MPRIP: variants seen among roughly 807,000 people sequenced by gnomAD.
MPRIP encodes the protein myosin phosphatase Rho-interacting protein.
A neutral mutation model predicts 234.9 loss-of-function variants in MPRIP; 59 were observed. That is an observed-to-expected ratio of 0.25 (90% confidence interval 0.20 to 0.31). The LOEUF (loss-of-function observed/expected upper bound fraction) is 0.31. MPRIP is among the 10% of genes least tolerant of loss of function. The pLI is 1.00. For synonymous variants in MPRIP, 1,144 were observed against 1,263.9 expected (o/e 0.91, Z 2.01); for missense variants, 2,436 against 3,071.0 (o/e 0.79, Z 4.89).
intron 1 of MPRIP, among the ~76,000 whole-genome samples, chr17:17,069,230 GATAAC>G (rs139236908): frequency 0.026 from 3,899 of 152,116 alleles, 100 homozygotes; most frequent in East Asian, 0.12. Flanking sequence ...TAATTTATCT[GATAAC>G]ATAACAACTC....
At chr17:17,143,265 G>GC (rs1342331911) in intron 8 of MPRIP, among the ~76,000 whole-genome samples, 1 of 152,212 alleles carries the variant, frequency 6.6e-6, no homozygotes, top group Non-Finnish European at 1.5e-5. Flanking sequence ...CCACCACAGA[G>GC]CCCAGGGCTC....
chr17:17,127,120 C>T (rs1162890330), intron 4 of MPRIP, among the ~76,000 whole-genome samples: 1 of 152,216 alleles, frequency 6.6e-6, no homozygotes, highest in Non-Finnish European at 1.5e-5. Context: ...CTCACCACAC[C>T]CCCAACTCAC....
intron 3 of MPRIP, among the ~76,000 whole-genome samples, chr17:17,083,825 C>T (rs2089522458): frequency 6.6e-6 from 1 of 152,168 alleles, no homozygotes; most frequent in African/African-American, 2.4e-5. Flanking sequence ...CTCACTGCAA[C>T]CTCCGTCTCC....
intron 5 of MPRIP, among the ~76,000 whole-genome samples, chr17:17,134,837 A>C (rs12601325): frequency 6.6e-6 from 1 of 152,142 alleles, no homozygotes; most frequent in Admixed American, 6.5e-5. Context: ...GTGAGACTGG[A>C]TGTATGGATC....
At chr17:17,072,261 A>T (rs148268635) in intron 1 of MPRIP, among the ~76,000 whole-genome samples, 335 of 152,254 alleles carry the variant, frequency 2.2e-3, no homozygotes, top group Middle Eastern at 6.8e-3. Flanking sequence ...GGGGATGAGG[A>T]CAGGTTGTCT....
At chr17:17,172,899 T>C in intron 18 of MPRIP, 84 bp downstream of exon 18, 1 of 1,251,704 alleles carries the variant, frequency 8.0e-7, no homozygotes, top group Non-Finnish European at 1.1e-6. Context: ...TTCCTGTGTC[T>C]TTGCAGAGGC....
chr17:17,150,103 A>C (rs2144551232), intron 11 of MPRIP, 41 bp from the exon 12 acceptor site: 5 of 1,507,278 alleles, frequency 3.3e-6, no homozygotes, highest in East Asian at 2.3e-5. Flanking sequence ...CATTGGTTCT[A>C]CTTCCTAAAA....
intron 4 of MPRIP, among the ~76,000 whole-genome samples, chr17:17,127,581 C>T (rs1196169841): frequency 2.0e-5 from 3 of 152,244 alleles, no homozygotes; most frequent in African/African-American, 7.2e-5. Context: ...CGTACATAGT[C>T]CGTGCAGGTG....
chr17:17,094,775 T>C (rs2089801977), intron 3 of MPRIP, among the ~76,000 whole-genome samples: 2 of 152,044 alleles, frequency 1.3e-5, no homozygotes, highest in African/African-American at 4.8e-5. Flanking sequence ...CATGCCTGGC[T>C]AATTTTGGTA....
Position 17,164,559 on chromosome 17 carries a change from G to A in MPRIP, c.2968G>A (p.Val990Ile). Reference protein sequence around the residue: ...QALQRDRQKEVQRLQERIADL... With the variant: ...QALQRDRQKEIQRLQERIADL... Reference sequence around the variant, plus strand: ...GCTGCAGCGGGACCGGCAGAAGGAGGTCCAGAGGCTGCAGGAGCGCATTGC... The same window carrying A: ...GCTGCAGCGGGACCGGCAGAAGGAGATCCAGAGGCTGCAGGAGCGCATTGC... The change falls in exon 16 of 24, where the codon GTC becomes ATC. Residue 990 changes from valine (V) to isoleucine (I), a missense_variant. Around this residue, in one of 4 missense-constraint regions of MPRIP, gnomAD observed 1,998 missense variants for 2,520.3 expected, o/e 0.79. Coordinates refer to ENST00000651222, the MANE Select transcript of MPRIP (RefSeq NM_001364716.4). 8.3e-7 allele frequency: 1 copy of A among 1,210,514 alleles called. No homozygotes were observed. Among genetic ancestry groups the A allele is most frequent in the Non-Finnish European group, 1.1e-6 (1 of 947,256 alleles). The allele number at this position is 1,210,514 out of a possible 1,614,324, so 75.0% of individuals were successfully genotyped here. A position where few individuals can be genotyped will look rare whatever the true frequency, so the allele number is the denominator to read the frequency against.
chr17:17,175,288 C>T lies in MPRIP; in HGVS notation c.6751-5C>T, dbSNP rs998617637. On this transcript the variant is annotated splice_polypyrimidine_tract_variant and splice_region_variant and intron_variant, in intron 19 of 23. Coordinates refer to ENST00000651222, the MANE Select transcript of MPRIP (RefSeq NM_001364716.4). ...GAGTGTCACTGTTGTGTTGCTGTCC[C>T]CCAGGAGCTGAACAACCGCCTGGCT... 2 of 1,613,146 alleles carry T rather than the reference C, an allele frequency of 1.2e-6. No homozygotes were observed. Among genetic ancestry groups the T allele is most frequent in the African/African-American group, 1.3e-5 (1 of 74,936 alleles).
chr17:17,180,530 G>A, intron 23 of MPRIP: 1 of 1,321,656 alleles, frequency 7.6e-7, no homozygotes, highest in Non-Finnish European at 1.1e-6. Context: ...TGCACAGGAG[G>A]GCGGGCGGAG....
chr17:17,047,817 T>C (rs1236068747), intron 1 of MPRIP, among the ~76,000 whole-genome samples: 1 of 152,180 alleles, frequency 6.6e-6, no homozygotes, highest in Admixed American at 6.5e-5. Flanking sequence ...GTTGGAATTC[T>C]TAAGTCTTGG....
intron 2 of MPRIP, chr17:17,076,925 T>A (rs2144047345): frequency 6.8e-6 from 1 of 147,894 alleles, no homozygotes; most frequent in Non-Finnish European, 1.5e-5. Flanking sequence ...TGAGTATTGT[T>A]GGGCTCTTTG....
rs2046012243 is a variant in MPRIP at position 17,166,904 on chromosome 17, C to T, written c.5313C>T (p.Ser1771=). 7.7e-7 allele frequency: 1 copy of T among 1,304,158 alleles called. No homozygotes were observed. Among genetic ancestry groups the T allele is most frequent in the Non-Finnish European group, 1.0e-6 (1 of 988,936 alleles). The allele number at this position is 1,304,158 out of a possible 1,614,324, so 80.8% of individuals were successfully genotyped here. Residue 1771 remains serine, a synonymous_variant, in exon 16 of 24, where the codon AGC becomes AGT. Coordinates refer to ENST00000651222, the MANE Select transcript of MPRIP (RefSeq NM_001364716.4). The surrounding 1 kb of genome is among the most constrained non-coding windows in gnomAD (Gnocchi z 4.4). ...SQEPFDVSDQ[S]PGAFVAIQEE... is the part of the protein sequence containing the mutation. ...AGCCCTTCGATGTGTCTGACCAGAG[C>T]CCTGGGGCCTTTGTTGCTATTCAGG...
chr17:17,133,503 C>T (rs1289825429), intron 5 of MPRIP, among the ~76,000 whole-genome samples: 1 of 152,196 alleles, frequency 6.6e-6, no homozygotes, highest in Non-Finnish European at 1.5e-5. Context: ...GGGTAAACCT[C>T]ACACCTTCAG....
chr17:17,072,579 G>A (rs906857490), intron 1 of MPRIP, among the ~76,000 whole-genome samples: 13 of 152,182 alleles, frequency 8.5e-5, no homozygotes, highest in Non-Finnish European at 1.8e-4. Context: ...TGAGGGGGAG[G>A]GTCAGGACTG....
In MPRIP at chr17:17,191,690, CCTCACGG is replaced by C. The variant is rs968342685; in HGVS notation, c.*6797_*6803del. 1.4e-5 allele frequency: 2 copies of C among 140,522 alleles called. No homozygotes were observed. The highest frequency in any genetic ancestry group is 4.9e-5 in the African/African-American group (2 of 40,728). The allele number at this position is 140,522 out of a possible 1,614,324, so 8.7% of individuals were successfully genotyped here. A position where few individuals can be genotyped will look rare whatever the true frequency, so the allele number is the denominator to read the frequency against. ...GCAGCCACACACACAGCGCTGGCAG[CCTCACGG>C]TCACGCCCATCACTCCCTGCCCCCC... On this transcript the variant is annotated 3_prime_UTR_variant, in exon 24 of 24. Coordinates refer to ENST00000651222, the MANE Select transcript of MPRIP (RefSeq NM_001364716.4).
intron 3 of MPRIP, among the ~76,000 whole-genome samples, chr17:17,088,724 A>C (rs1308576624): frequency 6.6e-6 from 1 of 152,104 alleles, no homozygotes; most frequent in African/African-American, 2.4e-5. Context: ...GCATTCCTGG[A>C]AAATATATCA....
Sources: allele counts gnomAD v4.1 joint callset (sites outside exome capture counted in the v4.1 genomes callset), GRCh38; gene constraint gnomAD v4.1.1; regional missense constraint gnomAD v4.1.1; non-coding constraint Gnocchi (gnomAD v3.1); transcripts MANE v1.5; gene names NCBI Gene and HGNC (gene_info 2026-07-23, HGNC 2026-07-21).